SAMD14: variants seen among roughly 807,000 people sequenced by gnomAD.
The protein encoded by SAMD14 is sterile alpha motif domain containing 14.
Under a neutral mutation model 46.2 loss-of-function variants are expected in SAMD14, and 27 were observed. That is an observed-to-expected ratio of 0.58 (90% CI 0.43 to 0.81). The LOEUF is 0.81. Among genes scored for constraint, SAMD14 ranks in the 30% least tolerant of loss-of-function variants. The pLI is 0.00. For missense variants in SAMD14, 559 were observed against 582.2 expected, an observed-to-expected ratio of 0.96 and a Z score of 0.41; for synonymous variants, 241 against 254.3, an observed-to-expected ratio of 0.95 and a Z score of 0.50.
chr17:50,115,671 A>C lies in SAMD14; in HGVS notation c.715T>G (p.Ser239Ala). 1 of 1,607,598 alleles carries C rather than the reference A, an allele frequency of 6.2e-7. No individual in the cohort carries two copies. Reference sequence around the variant, plus strand: ...CCCTTGCCGCTGTCCGTGAACCAGGAAAAAGGCAGGAACGGGGAGCCCCCT... The same window carrying C: ...CCCTTGCCGCTGTCCGTGAACCAGGCAAAAGGCAGGAACGGGGAGCCCCCT... ...RSGGSPFLPF[S>A]WFTDSGKGSA... is the part of the protein sequence containing the mutation. The change falls in exon 7 of 10, where the codon TCC becomes GCC. Residue 239 changes from serine to alanine, a missense_variant. Physicochemically the swap from Ser to Ala is moderately conservative, Grantham distance 99. Coordinates refer to ENST00000330175, the MANE Select transcript of SAMD14 (RefSeq NM_001257359.2). The surrounding 1 kb of genome is among the most constrained non-coding windows in gnomAD (Gnocchi z 5.3).
At chr17:50,113,825 G>C in intron 9 of SAMD14, 99 bp downstream of exon 9, 1 of 1,430,406 alleles carries the variant, frequency 7.0e-7, no homozygotes, top group East Asian at 2.3e-5. Flanking sequence ...CAGCCCAGGA[G>C]GCTGGGCTGA....
At chr17:50,128,472 G>GCA (rs1911877638) in intron 1 of SAMD14, among the ~76,000 whole-genome samples, 2 of 84,540 alleles carry the variant, frequency 2.4e-5, no homozygotes, top group South Asian at 4.2e-4. Context: ...CACACACCCC[G>GCA]CACACTCTCT....
rs1435300839 is a variant in SAMD14 at position 50,115,539 on chromosome 17, G to A, written c.822+25C>T. 1 of 1,512,132 alleles carries A rather than the reference G, an allele frequency of 6.6e-7. No homozygotes were observed. The highest frequency in any genetic ancestry group is 2.3e-5 in the East Asian group (1 of 43,760). 93.7% of individuals were successfully genotyped at this position (1,512,132 alleles called of 1,614,324 possible). A position where few individuals can be genotyped will look rare whatever the true frequency, so the allele number is the denominator to read the frequency against. On this transcript the variant is annotated intron_variant, in intron 7 of 9. Transcript: ENST00000330175. This position sits in a 1 kb window ranked among gnomAD's most constrained non-coding sequence, Gnocchi z 5.3. ...GTCACCTGAGACTGGGGGCCAGTTT[G>A]GGGACAAGAAAGGCATGGACTTACC...
intron 2 of SAMD14, among the ~76,000 whole-genome samples, chr17:50,122,122 C>G (rs1305774723): frequency 6.6e-6 from 1 of 152,218 alleles, no homozygotes; most frequent in African/African-American, 2.4e-5. Flanking sequence ...TATGCTCCAT[C>G]TCTCTCCAGC....
At chr17:50,114,129 G>A in intron 8 of SAMD14, 50 bp from the exon 9 acceptor site, 6 of 1,613,888 alleles carry the variant, frequency 3.7e-6, no homozygotes, top group South Asian at 1.1e-5. Flanking sequence ...TGTGACCTGA[G>A]CACCTTGCAG....
At position 50,111,512 on chromosome 17, in the gene SAMD14, T is replaced by G. The variant is rs558353440; in HGVS notation, c.*1381A>C. On this transcript the variant is annotated 3_prime_UTR_variant, in exon 10 of 10. Coordinates refer to ENST00000330175, the MANE Select transcript of SAMD14 (RefSeq NM_001257359.2). ...TCCGAAGCCCCTCTCCCAGCACAGA[T>G]AGCAGAGGGGGGATAAGGGCTGAGT... The G allele has an allele frequency of 6.6e-6, 1 of 152,318 alleles. No homozygotes were observed. Among genetic ancestry groups the G allele is most frequent in the East Asian group, 1.9e-4 (1 of 5,168 alleles). 9.4% of individuals were successfully genotyped at this position (152,318 alleles called of 1,614,324 possible).
At chr17:50,124,837 C>A (rs1911694357) in intron 2 of SAMD14, 80 bp downstream of exon 2, 1 of 1,400,004 alleles carries the variant, frequency 7.1e-7, no homozygotes, top group East Asian at 2.3e-5. Flanking sequence ...CACCCTATCC[C>A]CTTCAATGCC....
chr17:50,117,778 G>A (rs1019799816), intron 3 of SAMD14, 83 bp from the exon 4 acceptor site: 5 of 1,307,652 alleles, frequency 3.8e-6, no homozygotes, highest in African/African-American at 3.1e-5. Flanking sequence ...TGTAAACTGC[G>A]GGCCCTGAGG....
chr17:50,124,329 G>C (rs1911647037), intron 2 of SAMD14, among the ~76,000 whole-genome samples: 1 of 152,136 alleles, frequency 6.6e-6, no homozygotes. Flanking sequence ...GGGCCAGCCT[G>C]GGGGTATTGA....
intron 1 of SAMD14, 29 bp from the exon 2 acceptor site, chr17:50,125,000 A>G: frequency 6.2e-7 from 1 of 1,606,314 alleles, no homozygotes; most frequent in Non-Finnish European, 8.5e-7. Context: ...GAGAGAAAGA[A>G]AAAGAGAGCC....
At position 50,115,877 on chromosome 17, in the gene SAMD14, G is replaced by C. The variant is rs1011596653; in HGVS notation, c.615C>G (p.Gly205=). 6.2e-7 allele frequency: 1 copy of C among 1,613,142 alleles called. No homozygotes were observed. Reference sequence around the variant, plus strand: ...TGCTGCCTTTCTCCTTCCGGCTCTTGCCCGTGGATGCTCGGCGCAGGGTGA... The same window carrying C: ...TGCTGCCTTTCTCCTTCCGGCTCTTCCCCGTGGATGCTCGGCGCAGGGTGA... ...LGVTLRRAST[G]KSRKEKGSNR... is the part of the protein sequence containing the mutation. The change falls in exon 6 of 10, where the codon GGC becomes GGG. Residue 205 remains glycine (G), a synonymous_variant. Transcript: ENST00000330175. This position sits in a 1 kb window ranked among gnomAD's most constrained non-coding sequence, Gnocchi z 5.3.
chr17:50,115,628 C>T lies in SAMD14; in HGVS notation c.758G>A (p.Ser253Asn), dbSNP rs1306539727. ...DSGKGSASSG[S>N]TTSPTCSPKH... The stretch of plus-strand genomic sequence containing the variant: ...AGGGGAGCAGGTGGGGGAGGTGGTG[C>T]TACCCGAGGATGCTGAGCCCTTGCC... Residue 253 changes from serine to asparagine, a missense_variant, in exon 7 of 10, where the codon AGC becomes AAC. Ser to Asn is a conservative substitution (Grantham distance 46). Coordinates refer to ENST00000330175, the MANE Select transcript of SAMD14 (RefSeq NM_001257359.2). The surrounding 1 kb of genome is among the most constrained non-coding windows in gnomAD (Gnocchi z 5.3). 1 of 1,603,632 alleles carries T rather than the reference C, an allele frequency of 6.2e-7. No individual in the cohort carries two copies. Among genetic ancestry groups the T allele is most frequent in the African/African-American group, 1.3e-5 (1 of 74,922 alleles).
intron 2 of SAMD14, among the ~76,000 whole-genome samples, chr17:50,123,226 C>A (rs1911585792): frequency 6.6e-6 from 1 of 152,226 alleles, no homozygotes; most frequent in East Asian, 1.9e-4. Context: ...GTCAGGGTTA[C>A]AGACAGACGG....
chr17:50,129,886 TC>T lies in SAMD14; in HGVS notation c.-383del, dbSNP rs1911957332. 6.6e-6 allele frequency: 1 copy of T among 151,464 alleles called. No individual in the cohort carries two copies. The highest frequency in any genetic ancestry group is 2.4e-5 in the African/African-American group (1 of 41,084). The allele number at this position is 151,464 out of a possible 1,614,324, so 9.4% of individuals were successfully genotyped here. A position where few individuals can be genotyped will look rare whatever the true frequency, so the allele number is the denominator to read the frequency against. ...AGAAGAGCGAAGAGCGAGCGCCACC[TC>T]CCTCCCCGCCCCTGCCGCCCGCCAG... On this transcript the variant is annotated 5_prime_UTR_variant, in exon 1 of 10. Coordinates refer to ENST00000330175, the MANE Select transcript of SAMD14 (RefSeq NM_001257359.2). The surrounding 1 kb of genome is among the most constrained non-coding windows in gnomAD (Gnocchi z 5.6).
At position 50,117,721 on chromosome 17, in the gene SAMD14, G is replaced by C. The variant is rs780424175; in HGVS notation, c.211-26C>G. 1.1e-5 allele frequency: 16 copies of C among 1,419,500 alleles called. 1 individual carries two copies. The highest frequency in any genetic ancestry group is 9.3e-5 in the South Asian group (6 of 64,394). 87.9% of individuals were successfully genotyped at this position (1,419,500 alleles called of 1,614,324 possible). The stretch of plus-strand genomic sequence containing the variant: ...CTGGACGAGGGGGCAGCCGCTCACC[G>C]AGAACCCTCCTCCTCCCTTCCCGGA... On this transcript the variant is annotated intron_variant, in intron 3 of 9. Transcript: ENST00000330175.
rs762278998 is a variant in SAMD14, at chr17:50,117,701, C to A, written c.211-6G>T. 1 of 1,434,492 alleles carries A rather than the reference C, an allele frequency of 7.0e-7. No individual in the cohort carries two copies. The highest frequency in any genetic ancestry group is 2.7e-5 in the Admixed American group (1 of 37,072). 88.9% of individuals were successfully genotyped at this position (1,434,492 alleles called of 1,614,324 possible). On this transcript the variant is annotated splice_region_variant and splice_polypyrimidine_tract_variant and intron_variant, in intron 3 of 9. Coordinates refer to ENST00000330175, the MANE Select transcript of SAMD14 (RefSeq NM_001257359.2). ...CTCCCGCAGCCATCGGTCACCTGGA[C>A]GAGGGGGCAGCCGCTCACCGAGAAC...
Position 50,129,705 on chromosome 17 carries a change from G to A in SAMD14, c.-201C>T, listed in dbSNP as rs866844138. On this transcript the variant is annotated 5_prime_UTR_variant, in exon 1 of 10. Transcript: ENST00000330175. The surrounding 1 kb of genome is among the most constrained non-coding windows in gnomAD (Gnocchi z 5.6). Reference sequence around the variant, plus strand: ...CGGCGGGAAGGGTCCCAGAGCCGGGGGAGATGGAGGGCGGGGGATGTGGGG... The same window carrying A: ...CGGCGGGAAGGGTCCCAGAGCCGGGAGAGATGGAGGGCGGGGGATGTGGGG... 2.7e-3 allele frequency: 410 copies of A among 152,378 alleles called. 7 individuals are homozygous for A. The highest frequency in any genetic ancestry group is 9.1e-4 in the Non-Finnish European group (62 of 68,106). 9.4% of individuals were successfully genotyped at this position (152,378 alleles called of 1,614,324 possible).
At chr17:50,124,765 G>GCACGCGCA (rs202016696) in intron 2 of SAMD14, 152 bp downstream of exon 2, 26,713 of 623,082 alleles carry the variant, frequency 0.043, 495 homozygotes, top group Admixed American at 0.1. Context: ...GCGTGCACGC[G>GCACGCGCA]CGCGCGCACA....
rs1286658012 is a variant in SAMD14, at chr17:50,125,067, A to G, written c.-12-96T>C. On this transcript the variant is annotated intron_variant, in intron 1 of 9. Transcript: ENST00000330175. ...AGAGATGTGGAAGGCTACCTGCTCC[A>G]GGCCTGTTGGCCCCTCCCCTTACCT... 1.0e-5 allele frequency: 11 copies of G among 1,103,822 alleles called. No individual in the cohort carries two copies. The East Asian group carries it at 2.6e-4, about 26-fold the overall frequency. 68.4% of individuals were successfully genotyped at this position (1,103,822 alleles called of 1,614,324 possible).
Sources: gnomAD v4.1 joint callset for allele counts (sites outside exome capture counted in the v4.1 genomes callset) on GRCh38, gnomAD v4.1.1 for gene constraint, Gnocchi (gnomAD v3.1) non-coding constraint, MANE v1.5 for transcripts, NCBI Gene and HGNC (gene_info 2026-07-23, HGNC 2026-07-21) for gene names.